Variants in RGS7 observed in about 807,000 individuals in gnomAD.
RGS7 encodes the protein regulator of G protein signaling 7, also known as regulator of G-protein signaling 7.
A neutral mutation model predicts 81.1 loss-of-function variants in RGS7; 27 were observed. That is an observed-to-expected ratio of 0.33 (90% CI 0.25 to 0.46). The LOEUF is 0.46. Among genes scored for constraint, RGS7 ranks in the 20% least tolerant of loss-of-function variants. RGS7 has a pLI of 1.00. For synonymous variants in RGS7, 208 were observed against 207.7 expected (o/e 1.00, Z -0.01); for missense variants, 396 against 607.4 (o/e 0.65, Z 3.66).
At chr1:241,069,838 G>A (rs1445331145) in intron 3 of RGS7, among the ~76,000 whole-genome samples, 1 of 152,060 alleles carries the variant, frequency 6.6e-6, no homozygotes, top group Non-Finnish European at 1.5e-5. Context: ...AAAAACAATC[G>A]GAGTCTCTAT....
intron 2 of RGS7, among the ~76,000 whole-genome samples, chr1:241,112,030 C>T (rs1256219401): frequency 2.0e-5 from 3 of 152,012 alleles, no homozygotes; most frequent in African/African-American, 7.2e-5. Context: ...TTATTTATTA[C>T]ACACAATAGA....
At chr1:240,827,066 A>C in intron 10 of RGS7, 32 bp downstream of exon 10, 1 of 1,558,284 alleles carries the variant, frequency 6.4e-7, no homozygotes, top group South Asian at 1.1e-5. Context: ...GCAATCCATC[A>C]CCAAGATCAG....
chr1:240,793,611 A>ATATATTTTTTTTTTTTTTT, intron 18 of RGS7, among the ~76,000 whole-genome samples: 19 of 78,806 alleles, frequency 2.4e-4, no homozygotes, highest in African/African-American at 1.7e-3. Flanking sequence ...ATATATATAT[A>ATATATTTTTTTTTTTTTTT]TTTTTTTTTT....
At chr1:241,157,553 C>A (rs969583451) in intron 2 of RGS7, among the ~76,000 whole-genome samples, 1 of 152,118 alleles carries the variant, frequency 6.6e-6, no homozygotes, top group African/African-American at 2.4e-5. Flanking sequence ...CTCTTCCATG[C>A]AACCTGAATA....
intron 6 of RGS7, among the ~76,000 whole-genome samples, chr1:240,878,536 T>C (rs565646827): frequency 6.6e-6 from 1 of 151,186 alleles, no homozygotes; most frequent in Non-Finnish European, 1.5e-5. Context: ...TAACTATAAT[T>C]TGCTGATTTT....
At chr1:241,061,054 C>A (rs550406805) in intron 3 of RGS7, among the ~76,000 whole-genome samples, 1 of 152,190 alleles carries the variant, frequency 6.6e-6, no homozygotes, top group African/African-American at 2.4e-5. Context: ...GAATAAACTG[C>A]GTGAGCATCA....
intron 2 of RGS7, among the ~76,000 whole-genome samples, chr1:241,236,755 A>C (rs1167299964): frequency 6.6e-6 from 1 of 152,232 alleles, no homozygotes; most frequent in East Asian, 1.9e-4. Flanking sequence ...GCAGCCGAGA[A>C]AGGTTACAAC....
chr1:241,272,856 C>T (rs773189782), intron 2 of RGS7, among the ~76,000 whole-genome samples: 1 of 152,168 alleles, frequency 6.6e-6, no homozygotes, highest in African/African-American at 2.4e-5. Context: ...CAAAAAAATT[C>T]TCCATTTCTG....
chr1:240,868,845 A>T lies in RGS7; in HGVS notation c.458T>A (p.Leu153Gln). 1 of 1,614,028 alleles carries T rather than the reference A, an allele frequency of 6.2e-7. No individual in the cohort carries two copies. The highest frequency in any genetic ancestry group is 1.1e-5 in the South Asian group (1 of 91,080). ...LELADYEAES[L>Q]ARLQRAFARK... ...GGCAAATGCTCTCTGCAGCCTGGCC[A>T]GGCTCTCCTGAAAAACATACCCCAG... The change falls in exon 8 of 19, where the codon CTG becomes CAG. Residue 153 changes from leucine (L) to glutamine (Q), a missense_variant. Leu to Gln is a moderately radical substitution (Grantham distance 113, BLOSUM62 -2). Coordinates refer to ENST00000440928, the MANE Select transcript of RGS7 (RefSeq NM_001364886.1). The surrounding 1 kb of genome is among the most constrained non-coding windows in gnomAD (Gnocchi z 5.1).
At chr1:240,908,742 A>T (rs1671258516) in intron 6 of RGS7, among the ~76,000 whole-genome samples, 1 of 152,170 alleles carries the variant, frequency 6.6e-6, no homozygotes, top group Admixed American at 6.5e-5. Flanking sequence ...GATTCAATTA[A>T]TTCACAAGAA....
Position 240,775,723 on chromosome 1 carries a change from G to A in RGS7, c.*497C>T. 32 of 171,058 alleles carry A rather than the reference G, an allele frequency of 1.9e-4. No homozygotes were observed. Among genetic ancestry groups the A allele is most frequent in the East Asian group, 1.0e-3 (7 of 6,922 alleles). The allele number at this position is 171,058 out of a possible 1,614,324, so 10.6% of individuals were successfully genotyped here. A position where few individuals can be genotyped will look rare whatever the true frequency, so the allele number is the denominator to read the frequency against. On this transcript the variant is annotated 3_prime_UTR_variant, in exon 19 of 19. Transcript: ENST00000440928. ...TCTGACTGTGACACATTGGTGAAAT[G>A]AAACTTTCTGTGCGGAATTTATTGT...
intron 3 of RGS7, among the ~76,000 whole-genome samples, chr1:241,003,097 G>T (rs1038098113): frequency 1.3e-5 from 2 of 152,094 alleles, no homozygotes; most frequent in Non-Finnish European, 2.9e-5. Context: ...AAATAAATGT[G>T]CACAAAGATA....
intron 3 of RGS7, among the ~76,000 whole-genome samples, chr1:241,010,735 A>G (rs961424828): frequency 6.6e-6 from 1 of 152,124 alleles, no homozygotes; most frequent in Non-Finnish European, 1.5e-5. Flanking sequence ...TTCTCAGCCA[A>G]TGCACTAATT....
chr1:240,998,782 A>G, intron 3 of RGS7: 1 of 684,514 alleles, frequency 1.5e-6, no homozygotes. Flanking sequence ...GCGAGCTGGG[A>G]GACGAAGGCC....
intron 2 of RGS7, among the ~76,000 whole-genome samples, chr1:241,216,160 T>C (rs180905174): frequency 3.9e-5 from 6 of 152,122 alleles, no homozygotes; most frequent in African/African-American, 1.4e-4. Flanking sequence ...TCATCCCAGC[T>C]ACCTGGGAGG....
chr1:241,311,331 GATAGGAACCTA>G (rs2080518846), intron 2 of RGS7, among the ~76,000 whole-genome samples: 1 of 152,062 alleles, frequency 6.6e-6, no homozygotes, highest in Admixed American at 6.6e-5. Context: ...AAAAAACAAA[GATAGGAACCTA>G]ATAAAAACGG....
At chr1:240,809,054 T>G (rs1028670673) in intron 14 of RGS7, among the ~76,000 whole-genome samples, 2 of 152,152 alleles carry the variant, frequency 1.3e-5, no homozygotes, top group Admixed American at 1.3e-4. Flanking sequence ...ATTCCGTTAA[T>G]GTATACTAAT....
chr1:240,899,773 C>T (rs144286860), intron 6 of RGS7, among the ~76,000 whole-genome samples: 2,438 of 152,174 alleles, frequency 0.016, 25 homozygotes, highest in Non-Finnish European at 0.023. Context: ...CTTAGAGTTG[C>T]TCTTCTCGAG....
intron 2 of RGS7, among the ~76,000 whole-genome samples, chr1:241,347,230 C>G (rs1431110451): frequency 6.6e-6 from 1 of 152,086 alleles, no homozygotes; most frequent in African/African-American, 2.4e-5. Flanking sequence ...GGACACACAG[C>G]AAGCAGAGGA....
Sources: allele counts gnomAD v4.1 joint callset (sites outside exome capture counted in the v4.1 genomes callset), GRCh38; gene constraint gnomAD v4.1.1; non-coding constraint Gnocchi (gnomAD v3.1); transcripts MANE v1.5; gene names NCBI Gene and HGNC (gene_info 2026-07-23, HGNC 2026-07-21).